RALGPS1: variants seen among roughly 807,000 people sequenced by gnomAD.
RALGPS1 encodes Ral GEF with PH domain and SH3 binding motif 1, also known as ras-specific guanine nucleotide-releasing factor RalGPS1.
In RALGPS1, 19 loss-of-function variants were observed where a neutral mutation model predicts 78.8. The ratio of observed to expected loss-of-function variants is 0.24; its 90% CI spans 0.17 to 0.35. RALGPS1 has a LOEUF of 0.35. Among genes scored for constraint, RALGPS1 ranks in the 10% least tolerant of loss-of-function variants. RALGPS1 has a pLI of 1.00. For synonymous variants in RALGPS1, 228 were observed against 256.3 expected (o/e 0.89, Z 1.06); for missense variants, 454 against 688.3 (o/e 0.66, Z 3.81).
intron 18 of RALGPS1, chr9:127,216,839 C>T (rs1456103862): frequency 7.2e-7 from 1 of 1,382,548 alleles, no homozygotes; most frequent in Non-Finnish European, 9.5e-7. Context: ...TGTCTGGGGT[C>T]CCTCAGTAGC....
At chr9:127,158,954 G>C (rs574244601) in intron 8 of RALGPS1, among the ~76,000 whole-genome samples, 5 of 151,952 alleles carry the variant, frequency 3.3e-5, no homozygotes, top group African/African-American at 1.2e-4. Flanking sequence ...GAAGCCACAC[G>C]GGTTATGAGT....
At chr9:126,982,170 T>C (rs2041302785) in intron 4 of RALGPS1, among the ~76,000 whole-genome samples, 1 of 152,184 alleles carries the variant, frequency 6.6e-6, no homozygotes, top group African/African-American at 2.4e-5. Context: ...CAGTATCCTA[T>C]TAGTATCACA....
At chr9:127,101,490 C>G (rs905170699) in intron 8 of RALGPS1, among the ~76,000 whole-genome samples, 2 of 152,196 alleles carry the variant, frequency 1.3e-5, no homozygotes, top group African/African-American at 4.8e-5. Context: ...ATCCTCTATC[C>G]TTGACCCTCC....
intron 8 of RALGPS1, chr9:127,088,803 T>A (rs1176499176): frequency 9.7e-7 from 1 of 1,025,788 alleles, no homozygotes. Context: ...TGCAGTGACT[T>A]CGGAAAACAG....
intron 5 of RALGPS1, among the ~76,000 whole-genome samples, chr9:127,044,014 A>G (rs1179113337): frequency 6.6e-6 from 1 of 152,238 alleles, no homozygotes; most frequent in Non-Finnish European, 1.5e-5. Context: ...TCAATCCAGC[A>G]ATTGCAATCC....
At chr9:127,110,397 C>T (rs1048229008) in intron 8 of RALGPS1, among the ~76,000 whole-genome samples, 1 of 152,196 alleles carries the variant, frequency 6.6e-6, no homozygotes, top group Admixed American at 6.5e-5. Flanking sequence ...GCTGGTTCAT[C>T]CTCATATTCC....
At chr9:127,157,383 C>G (rs2058758380) in intron 8 of RALGPS1, among the ~76,000 whole-genome samples, 1 of 152,002 alleles carries the variant, frequency 6.6e-6, no homozygotes, top group East Asian at 1.9e-4. Flanking sequence ...CTCATTGCAA[C>G]AACTCAGATA....
chr9:127,187,556 A>G (rs1002733217), intron 11 of RALGPS1, among the ~76,000 whole-genome samples: 7 of 152,236 alleles, frequency 4.6e-5, no homozygotes, highest in Non-Finnish European at 8.8e-5. Flanking sequence ...AATTATCATC[A>G]TTATTATTAC....
At chr9:126,949,358 T>C (rs1172934236) in intron 1 of RALGPS1, among the ~76,000 whole-genome samples, 1 of 152,140 alleles carries the variant, frequency 6.6e-6, no homozygotes, top group African/African-American at 2.4e-5. Context: ...AAATGGTATT[T>C]CTAGTTCCAG....
At chr9:126,941,052 A>G (rs989748230) in intron 1 of RALGPS1, among the ~76,000 whole-genome samples, 2 of 152,114 alleles carry the variant, frequency 1.3e-5, no homozygotes, top group African/African-American at 4.8e-5. Context: ...CTATACTTCT[A>G]TATGTGTGTT....
intron 11 of RALGPS1, among the ~76,000 whole-genome samples, chr9:127,192,260 A>G (rs965051638): frequency 3.9e-5 from 6 of 152,218 alleles, no homozygotes; most frequent in Non-Finnish European, 8.8e-5. Flanking sequence ...CTGTGCAGCA[A>G]GTGAGGAGGG....
chr9:126,918,806 G>A (rs149297802), intron 1 of RALGPS1, among the ~76,000 whole-genome samples: 1,881 of 151,968 alleles, frequency 0.012, 41 homozygotes, highest in African/African-American at 0.044. Context: ...CAGAGTAGCT[G>A]GGATTACAGG....
At chr9:127,216,101 T>C (rs976980328) in intron 18 of RALGPS1, 1 of 152,166 alleles carries the variant, frequency 6.6e-6, no homozygotes, top group Non-Finnish European at 1.5e-5. Context: ...GACTTCCTGG[T>C]CCCTCCAAGT....
chr9:127,083,356 C>T lies in RALGPS1; in HGVS notation c.610+14000C>T, dbSNP rs115181577. On this transcript the variant is annotated intron_variant, in intron 8 of 18. Coordinates refer to ENST00000259351, the MANE Select transcript of RALGPS1 (RefSeq NM_014636.3). The stretch of plus-strand genomic sequence containing the variant: ...GCATTGGAACATAGATATGCTGGCA[C>T]TCAGATCAGGAGGACGTGAACTGAA... 3.0e-3 allele frequency among the ~76,000 whole-genome samples: 455 copies of T among 152,310 alleles called. 2 individuals are homozygous for T. Among genetic ancestry groups the T allele is most frequent in the African/African-American group, 0.01 (427 of 41,564 alleles).
In RALGPS1 at chr9:127,213,022, A is replaced by G. The variant is rs1457433682; in HGVS notation, c.1525A>G (p.Ile509Val). 1 of 1,614,220 alleles carries G rather than the reference A, an allele frequency of 6.2e-7. No individual in the cohort carries two copies. The highest frequency in any genetic ancestry group is 8.5e-7 in the Non-Finnish European group (1 of 1,180,030). Residue 509 changes from isoleucine (I) to valine (V), a missense_variant, in exon 17 of 19, where the codon ATC (isoleucine) becomes GTC (valine). Transcript: ENST00000259351. ...GCCCGATGACCCCGAGCACCCAGAT[A>G]TCTTCCAGCTGAACAACCCTGACAA... ...QLPDDPEHPD[I>V]FQLNNPDKGN... is the part of the protein sequence containing the mutation.
chr9:127,210,571 G>T, intron 14 of RALGPS1: 1 of 689,410 alleles, frequency 1.5e-6, no homozygotes, highest in South Asian at 1.8e-5. Flanking sequence ...AGTTGGGGAG[G>T]GAGGGAGGTT....
intron 11 of RALGPS1, among the ~76,000 whole-genome samples, chr9:127,181,163 A>T (rs2060192766): frequency 6.6e-6 from 1 of 152,264 alleles, no homozygotes; most frequent in Admixed American, 6.5e-5. Flanking sequence ...CTACCACTGA[A>T]TGGGAGCAGC....
chr9:127,024,380 C>G (rs757016530), intron 4 of RALGPS1, among the ~76,000 whole-genome samples: 1 of 150,878 alleles, frequency 6.6e-6, no homozygotes. Context: ...CACACCAAAG[C>G]CTGAATTTCT....
chr9:127,217,164 T>G (rs1238927981), intron 18 of RALGPS1: 10 of 1,263,216 alleles, frequency 7.9e-6, no homozygotes, highest in Non-Finnish European at 1.0e-5. Flanking sequence ...CAGTTTCATG[T>G]ATTGGCAGAT....
Sources: gnomAD v4.1 joint callset for allele counts (sites outside exome capture counted in the v4.1 genomes callset) on GRCh38, gnomAD v4.1.1 for gene constraint, MANE v1.5 for transcripts, NCBI Gene and HGNC (gene_info 2026-07-23, HGNC 2026-07-21) for gene names.